The following PPFIA2 variants were observed in gnomAD, a reference collection of about 807,000 sequenced individuals.
The protein encoded by PPFIA2 is liprin-alpha-2.
Under a neutral mutation model 175.5 loss-of-function variants are expected in PPFIA2, and 46 were observed. The observed-to-expected ratio is 0.26, with a 90% CI of 0.21 to 0.34. The LOEUF is 0.34. PPFIA2 is among the 10% of genes least tolerant of loss of function. The pLI, the probability that PPFIA2 is intolerant of heterozygous loss-of-function variation, is 1.00. For synonymous variants in PPFIA2, 568 were observed against 511.4 expected (o/e 1.11, Z -1.49); for missense variants, 1,179 against 1,506.1 (o/e 0.78, Z 3.60).
chr12:81,364,878 A>T (rs1223769549), intron 14 of PPFIA2, among the ~76,000 whole-genome samples: 2 of 151,764 alleles, frequency 1.3e-5, no homozygotes, highest in Non-Finnish European at 2.9e-5. Flanking sequence ...GAAAGAAAGA[A>T]ATTGTAATTA....
intron 3 of PPFIA2, among the ~76,000 whole-genome samples, chr12:81,726,711 T>C (rs2080127306): frequency 6.6e-6 from 1 of 151,354 alleles, no homozygotes; most frequent in Admixed American, 6.6e-5. Flanking sequence ...GGCCCATGTA[T>C]TGCTATTCGC....
rs201869580 is a variant in PPFIA2 at position 81,384,047 on chromosome 12, G to C, written c.960C>G (p.Thr320=). Residue 320 remains threonine, a synonymous_variant, in exon 9 of 33, where the codon ACC becomes ACG. Coordinates refer to ENST00000549396, the MANE Select transcript of PPFIA2 (RefSeq NM_003625.5). ...CCTCCCTAATGTCCCTTTGATACTT[G>C]GTGTTCATTTCTTCTGTTTTAATGA... ...KDLIKTEEMN[T]KYQRDIREAM... 2 of 1,612,072 alleles carry C rather than the reference G, an allele frequency of 1.2e-6. No individual in the cohort carries two copies. Among genetic ancestry groups the C allele is most frequent in the Non-Finnish European group, 1.7e-6 (2 of 1,178,690 alleles).
chr12:81,550,685 G>A (rs1050406230), intron 4 of PPFIA2, among the ~76,000 whole-genome samples: 7 of 151,908 alleles, frequency 4.6e-5, no homozygotes, highest in Non-Finnish European at 8.8e-5. Flanking sequence ...CATAGGGGAT[G>A]TTGAGGTTAG....
intron 4 of PPFIA2, among the ~76,000 whole-genome samples, chr12:81,637,146 T>C (rs1358234764): frequency 6.7e-6 from 1 of 149,742 alleles, no homozygotes; most frequent in African/African-American, 2.5e-5. Context: ...CTCGGCTCAC[T>C]GCAACCTCTG....
intron 4 of PPFIA2, among the ~76,000 whole-genome samples, chr12:81,639,269 T>C (rs1460584464): frequency 2.1e-5 from 3 of 145,576 alleles, no homozygotes; most frequent in Non-Finnish European, 4.6e-5. Context: ...TTCCCCCTGC[T>C]TTTTTTTCTT....
At chr12:81,735,734 T>C (rs1454728917) in intron 3 of PPFIA2, among the ~76,000 whole-genome samples, 1 of 151,838 alleles carries the variant, frequency 6.6e-6, no homozygotes, top group Non-Finnish European at 1.5e-5. Flanking sequence ...TATTGGTCTA[T>C]GGGCCACTTT....
chr12:81,282,936 T>C lies in PPFIA2; in HGVS notation c.3018+74A>G, dbSNP rs969103668. On this transcript the variant is annotated intron_variant, in intron 26 of 32. Coordinates refer to ENST00000549396, the MANE Select transcript of PPFIA2 (RefSeq NM_003625.5). ...TGAAGGTTTACAATATTATGACTTA[T>C]GACAGTTTCTTGATTTATATTCTCA... The C allele has an allele frequency of 3.8e-6, 5 of 1,324,088 alleles. No individual in the cohort carries two copies. In the African/African-American group the frequency reaches 5.8e-5, roughly 15 times the overall value. The allele number at this position is 1,324,088 out of a possible 1,614,324, so 82.0% of individuals were successfully genotyped here.
intron 4 of PPFIA2, among the ~76,000 whole-genome samples, chr12:81,487,244 T>C (rs529210448): frequency 6.6e-6 from 1 of 152,028 alleles, no homozygotes; most frequent in Non-Finnish European, 1.5e-5. Context: ...GCAAGGAGGT[T>C]AAAGTCTCCA....
At chr12:81,321,449 C>T (rs1478212135) in intron 22 of PPFIA2, among the ~76,000 whole-genome samples, 1 of 152,068 alleles carries the variant, frequency 6.6e-6, no homozygotes, top group Non-Finnish European at 1.5e-5. Flanking sequence ...TATTAATTCC[C>T]TTGTAAGCTC....
intron 4 of PPFIA2, among the ~76,000 whole-genome samples, chr12:81,606,206 T>A (rs117546355): frequency 1.4e-3 from 218 of 152,140 alleles, no homozygotes; most frequent in Non-Finnish European, 2.0e-3. Flanking sequence ...ACATTTTCGC[T>A]ATCCAGTCCA....
At chr12:81,747,571 A>G (rs910861300) in intron 3 of PPFIA2, among the ~76,000 whole-genome samples, 7 of 144,068 alleles carry the variant, frequency 4.9e-5, no homozygotes, top group African/African-American at 1.7e-4. Context: ...CAATAGCTAC[A>G]TTTAACATTT....
intron 4 of PPFIA2, among the ~76,000 whole-genome samples, chr12:81,481,424 G>A (rs1247750051): frequency 2.0e-5 from 3 of 152,148 alleles, no homozygotes; most frequent in African/African-American, 4.8e-5. Context: ...TAAAGAGCCC[G>A]CATAGCCAAG....
At chr12:81,354,734 C>T (rs1444184720) in intron 16 of PPFIA2, among the ~76,000 whole-genome samples, 1 of 151,948 alleles carries the variant, frequency 6.6e-6, no homozygotes, top group East Asian at 1.9e-4. Flanking sequence ...ACCTCTGCCA[C>T]CCGAGCTCAA....
chr12:81,473,583 T>A (rs2057070327), intron 4 of PPFIA2, among the ~76,000 whole-genome samples: 1 of 152,226 alleles, frequency 6.6e-6, no homozygotes, highest in Non-Finnish European at 1.5e-5. Context: ...ACATTTTTCC[T>A]GAAGCAGCCG....
At chr12:81,588,387 C>T (rs186065859) in intron 4 of PPFIA2, among the ~76,000 whole-genome samples, 1 of 151,882 alleles carries the variant, frequency 6.6e-6, no homozygotes, top group African/African-American at 2.4e-5. Context: ...TGAATGTGTC[C>T]AGCCCCACCC....
intron 4 of PPFIA2, among the ~76,000 whole-genome samples, chr12:81,458,086 G>A (rs907577800): frequency 2.6e-5 from 4 of 152,116 alleles, no homozygotes; most frequent in East Asian, 1.9e-4. Flanking sequence ...TTAGATGGGT[G>A]TATAAAGTAT....
At chr12:81,739,886 C>G (rs2082124989) in intron 3 of PPFIA2, among the ~76,000 whole-genome samples, 1 of 151,934 alleles carries the variant, frequency 6.6e-6, no homozygotes, top group Non-Finnish European at 1.5e-5. Flanking sequence ...AAACAAAAAC[C>G]TCTTCAAAAC....
chr12:81,438,632 T>C (rs2049549498), intron 7 of PPFIA2, among the ~76,000 whole-genome samples: 2 of 152,182 alleles, frequency 1.3e-5, no homozygotes, highest in South Asian at 2.1e-4. Context: ...TCTTTACTGA[T>C]ATTAGCCTCA....
At chr12:81,284,356 G>A in intron 24 of PPFIA2, 53 bp from the exon 25 acceptor site, 1 of 1,347,852 alleles carries the variant, frequency 7.4e-7, no homozygotes, top group East Asian at 2.4e-5. Flanking sequence ...GCAAGCAGTG[G>A]TAAAGAAGAA....
Sources: allele counts gnomAD v4.1 joint callset (sites outside exome capture counted in the v4.1 genomes callset), GRCh38; gene constraint gnomAD v4.1.1; transcripts MANE v1.5; gene names NCBI Gene and HGNC (gene_info 2026-07-23, HGNC 2026-07-21).